NUP188: variants seen among roughly 807,000 people sequenced by gnomAD.
NUP188 encodes the protein nucleoporin NUP188.
In NUP188, 97 loss-of-function variants were observed where a neutral mutation model predicts 223.0. The ratio of observed to expected loss-of-function variants is 0.43; its 90% CI spans 0.37 to 0.51. The LOEUF is 0.51. Ranked by LOEUF, NUP188 falls within the 20% of genes least tolerant of loss-of-function variation. The pLI is 0.00. For missense variants in NUP188, 1,947 were observed against 2,175.6 expected, an observed-to-expected ratio of 0.89 and a Z score of 2.09; for synonymous variants, 869 against 828.0, an observed-to-expected ratio of 1.05 and a Z score of -0.85.
Position 128,964,297 on chromosome 9 carries a change from A to G in NUP188, c.586-4209A>G, listed in dbSNP as rs368505885. ...ATATACAGTATTGTAAATATAAGCT[A>G]TTTACCAGATAGATGTTTTACAACT... On this transcript the variant is annotated intron_variant, in intron 8 of 43. Transcript: ENST00000372577. 1.7e-4 allele frequency: 64 copies of G among 380,682 alleles called. 1 individual carries two copies. The Middle Eastern group carries it at 1.9e-3, about 11-fold the overall frequency. The allele number at this position is 380,682 out of a possible 1,614,324, so 23.6% of individuals were successfully genotyped here.
chr9:128,983,972 C>T (rs1436302831), intron 19 of NUP188, among the ~76,000 whole-genome samples: 3 of 151,978 alleles, frequency 2.0e-5, no homozygotes, highest in Admixed American at 6.6e-5. Context: ...AGATGTGCGG[C>T]ACCACGCCCG....
intron 30 of NUP188, among the ~76,000 whole-genome samples, chr9:128,997,872 C>T (rs1842556833): frequency 6.6e-6 from 1 of 151,808 alleles, no homozygotes; most frequent in African/African-American, 2.4e-5. Context: ...AGGTGCGCGC[C>T]ACCATGCCTG....
At position 128,979,256 on chromosome 9, in the gene NUP188, A is replaced by G. The variant is rs1348331240; in HGVS notation, c.1204-6A>G. The G allele has an allele frequency of 6.2e-7, 1 of 1,607,106 alleles. No individual in the cohort carries two copies. The highest frequency in any genetic ancestry group is 2.2e-5 in the East Asian group (1 of 44,690). ...ATGATCCATTTTTCTTCCCTTCCTCAAACAGGATATAATTGATACAGCATG... is the reference window on the plus strand; with the variant it reads ...ATGATCCATTTTTCTTCCCTTCCTCGAACAGGATATAATTGATACAGCATG... On this transcript the variant is annotated splice_polypyrimidine_tract_variant and splice_region_variant and intron_variant, in intron 12 of 43. Coordinates refer to ENST00000372577, the MANE Select transcript of NUP188 (RefSeq NM_015354.3).
chr9:129,003,632 G>C (rs1321377068), intron 38 of NUP188, 178 bp downstream of exon 38: 2 of 765,374 alleles, frequency 2.6e-6, no homozygotes, highest in Admixed American at 2.1e-5. Context: ...TCCTTCCATA[G>C]TCAAGGGCAG....
Position 128,990,361 on chromosome 9 carries a change from G to A in NUP188, c.2640+135G>A, listed in dbSNP as rs1842399045. On this transcript the variant is annotated intron_variant, in intron 25 of 43. Coordinates refer to ENST00000372577, the MANE Select transcript of NUP188 (RefSeq NM_015354.3). ...TTCCAGCACTTTGGGAGGCCAAGGT[G>A]GGAGGATCATTTGAGCCCAGGAGTT... 6 of 731,888 alleles carry A rather than the reference G, an allele frequency of 8.2e-6. No homozygotes were observed. In the South Asian group the frequency reaches 9.3e-5, roughly 11 times the overall value. The allele number at this position is 731,888 out of a possible 1,614,324, so 45.3% of individuals were successfully genotyped here.
Position 128,998,156 on chromosome 9 carries a change from T to TA in NUP188, c.3358dup (p.Ile1120AsnfsTer6). On this transcript the variant is annotated frameshift_variant, in exon 31 of 44. Transcript: ENST00000372577. LOFTEE classifies it high-confidence loss of function. Reference sequence around the variant, plus strand: ...CTTTTTCTGTTCCTTTGCAGGCAGATATAATGCACCTGACTGACTCTGTGG... The same window carrying TA: ...CTTTTTCTGTTCCTTTGCAGGCAGATAATAATGCACCTGACTGACTCTGTGG... The TA allele has an allele frequency of 1.9e-6, 3 of 1,613,720 alleles. No individual in the cohort carries two copies. The highest frequency in any genetic ancestry group is 2.5e-6 in the Non-Finnish European group (3 of 1,179,582).
chr9:128,962,751 A>G (rs1334590337), intron 8 of NUP188, among the ~76,000 whole-genome samples: 1 of 152,182 alleles, frequency 6.6e-6, no homozygotes, highest in East Asian at 1.9e-4. Context: ...TATAGGTGTG[A>G]GCCATTATTC....
rs1842792025 is a variant in NUP188, at chr9:129,006,088, G to C, written c.4908G>C (p.Gly1636=). 1.2e-6 allele frequency: 2 copies of C among 1,614,170 alleles called. No homozygotes were observed. The highest frequency in any genetic ancestry group is 1.7e-6 in the Non-Finnish European group (2 of 1,180,036). The change falls in exon 42 of 44, where the codon GGG becomes GGC. Residue 1636 remains glycine (G), a synonymous_variant. Transcript: ENST00000372577. ...AGGAGCCCCTCACCCAGGCAGTGGG[G>C]CTCAGCACACAGGCAGAAGGGACCA... ...KKKEPLTQAV[G]LSTQAEGTRT...
rs944511394 is a variant in NUP188, at chr9:128,990,225, C to T, written c.2639C>T (p.Thr880Met). Residue 880 changes from threonine to methionine, a missense_variant and splice_region_variant, in exon 25 of 44, where the codon ACG becomes ATG. By Grantham distance (81) the Thr-to-Met change is moderately conservative. This residue lies in a region of NUP188 where 225 missense variants were observed against 319.1 expected (regional missense o/e 0.71). Transcript: ENST00000372577. The stretch of plus-strand genomic sequence containing the variant: ...ATTCAGCTGCTGAAACGTCTGGCCA[C>T]GGTAGGATCGTACTTCATGCACACA... ...LAIQLLKRLA[T>M]VAPMSVYACL... The T allele has an allele frequency of 3.1e-6, 5 of 1,609,654 alleles. No homozygotes were observed. The East Asian group carries it at 6.7e-5, about 22-fold the overall frequency.
intron 30 of NUP188, 31 bp downstream of exon 30, chr9:128,995,545 T>C (rs1341347173): frequency 6.5e-7 from 1 of 1,530,582 alleles, no homozygotes; most frequent in African/African-American, 1.4e-5. Context: ...GTTTTCACTT[T>C]GGTACCTTAG....
Position 129,006,244 on chromosome 9 carries a change from T to A in NUP188, c.4949T>A (p.Leu1650His), listed in dbSNP as rs1347154861. The A allele has an allele frequency of 6.2e-7, 1 of 1,614,154 alleles. No homozygotes were observed. The highest frequency in any genetic ancestry group is 8.5e-7 in the Non-Finnish European group (1 of 1,180,030). ...AAACCTGTGTCTCCTCCCAGGTCCC[T>A]CCTGATGTTTACCATGGAAAACTGC... The part of the protein sequence containing the change: ...QAEGTRTLKS[L>H]LMFTMENCFY... Residue 1650 changes from leucine to histidine, a missense_variant, in exon 43 of 44, where the codon CTC becomes CAC. Coordinates refer to ENST00000372577, the MANE Select transcript of NUP188 (RefSeq NM_015354.3).
At chr9:128,987,561 G>A in intron 22 of NUP188, 28 bp from the exon 23 acceptor site, 1 of 1,599,756 alleles carries the variant, frequency 6.3e-7, no homozygotes, top group East Asian at 2.2e-5. Flanking sequence ...GTGGCTCCCT[G>A]GTAACTCAGA....
At chr9:128,957,058 C>T (rs748254462) in intron 5 of NUP188, 26 bp downstream of exon 5, 3 of 1,489,576 alleles carry the variant, frequency 2.0e-6, no homozygotes, top group Non-Finnish European at 2.8e-6. Flanking sequence ...CAGCTCCTTT[C>T]TTCTGCCTTT....
intron 22 of NUP188, 144 bp downstream of exon 22, chr9:128,987,019 C>T (rs971568250): frequency 1.7e-6 from 1 of 585,868 alleles, no homozygotes; most frequent in Non-Finnish European, 3.0e-6. Flanking sequence ...AGTTGCTTTC[C>T]ATTGGCCTGT....
chr9:128,963,172 A>G (rs1282900633), intron 8 of NUP188, among the ~76,000 whole-genome samples: 1 of 152,120 alleles, frequency 6.6e-6, no homozygotes, highest in Non-Finnish European at 1.5e-5. Context: ...TTTTTTGACT[A>G]TTAGGAATAA....
intron 8 of NUP188, among the ~76,000 whole-genome samples, chr9:128,964,593 G>T (rs190870949): frequency 9.2e-4 from 136 of 147,920 alleles, no homozygotes; most frequent in Non-Finnish European, 1.6e-3. Context: ...CTGGTCTTAA[G>T]CTCCTGAGCT....
In NUP188 at chr9:128,981,191, A is replaced by C; in HGVS notation, c.1390-73A>C. 3.2e-6 allele frequency: 5 copies of C among 1,553,054 alleles called. No homozygotes were observed. The South Asian group carries it at 6.0e-5, about 19-fold the overall frequency. The stretch of plus-strand genomic sequence containing the variant: ...TGCAAGAAGTTTGAGAGTCTGGTTG[A>C]AAGAGCAGACTGTGGGACCTCTCCT... On this transcript the variant is annotated intron_variant, in intron 14 of 43. Coordinates refer to ENST00000372577, the MANE Select transcript of NUP188 (RefSeq NM_015354.3).
intron 24 of NUP188, 23 bp downstream of exon 24, chr9:128,988,209 C>A (rs773435303): frequency 6.2e-7 from 1 of 1,613,014 alleles, no homozygotes; most frequent in Non-Finnish European, 8.5e-7. Context: ...CTTCCAGTCA[C>A]AACATGGTAT....
At chr9:128,961,380 C>T (rs1172684697) in intron 8 of NUP188, among the ~76,000 whole-genome samples, 14 of 144,736 alleles carry the variant, frequency 9.7e-5, no homozygotes, top group African/African-American at 3.6e-4. Context: ...AGCGTGGTGG[C>T]ACGTGCCTGT....
Sources: gnomAD v4.1 joint callset for allele counts (sites outside exome capture counted in the v4.1 genomes callset) on GRCh38, gnomAD v4.1.1 for gene constraint, gnomAD v4.1.1 regional missense constraint, MANE v1.5 for transcripts, NCBI Gene and HGNC (gene_info 2026-07-23, HGNC 2026-07-21) for gene names.